Variants in PALM2AKAP2 observed in about 807,000 individuals in gnomAD.
The protein encoded by PALM2AKAP2 is PALM2 and AKAP2 fusion, also known as PALM2-AKAP2 fusion protein.
PALM2AKAP2 carries 37 observed loss-of-function variants against 71.5 expected under a neutral mutation model. The observed-to-expected ratio is 0.52, with a 90% confidence interval of 0.40 to 0.68. PALM2AKAP2 has a LOEUF of 0.68. Ranked by LOEUF, PALM2AKAP2 falls within the 30% of genes least tolerant of loss-of-function variation. The probability of loss-of-function intolerance (pLI) is 0.00; values close to 1 mark genes in which losing one functional copy is unlikely to be tolerated. For missense variants in PALM2AKAP2, 1,224 were observed against 1,191.8 expected, an observed-to-expected ratio of 1.03 and a Z score of -0.40; for synonymous variants, 468 against 478.8, an observed-to-expected ratio of 0.98 and a Z score of 0.29.
intron 1 of PALM2AKAP2, among the ~76,000 whole-genome samples, chr9:110,102,364 T>C (rs890939876): frequency 5.9e-5 from 9 of 152,240 alleles, no homozygotes; most frequent in Non-Finnish European, 1.0e-4. Context: ...GATTTATGAA[T>C]ATGTATTAAA....
At chr9:109,843,961 G>A (rs1300825759) in intron 1 of PALM2AKAP2, among the ~76,000 whole-genome samples, 3 of 152,152 alleles carry the variant, frequency 2.0e-5, no homozygotes, top group South Asian at 2.1e-4. Flanking sequence ...CCTGACCTCC[G>A]CAACCACACC....
chr9:110,081,909 C>T (rs1042060308), intron 1 of PALM2AKAP2, among the ~76,000 whole-genome samples: 7 of 152,062 alleles, frequency 4.6e-5, no homozygotes, highest in Non-Finnish European at 7.4e-5. Context: ...GCTAAATAGC[C>T]CCAGTTCCCC....
intron 1 of PALM2AKAP2, among the ~76,000 whole-genome samples, chr9:109,809,122 C>G (rs1449617088): frequency 6.6e-6 from 1 of 152,240 alleles, no homozygotes; most frequent in Non-Finnish European, 1.5e-5. Flanking sequence ...AGCCTCCACA[C>G]AGTGTCCCCA....
At chr9:110,127,212 C>T (rs1835626752) in intron 1 of PALM2AKAP2, among the ~76,000 whole-genome samples, 1 of 152,178 alleles carries the variant, frequency 6.6e-6, no homozygotes, top group Non-Finnish European at 1.5e-5. Flanking sequence ...TCACATTGAG[C>T]TGTAATGGCT....
intron 1 of PALM2AKAP2, among the ~76,000 whole-genome samples, chr9:109,726,051 C>G (rs139265785): frequency 6.6e-6 from 1 of 152,188 alleles, no homozygotes. Context: ...GGACTAGTAC[C>G]TTTAACACAT....
intron 2 of PALM2AKAP2, among the ~76,000 whole-genome samples, chr9:110,156,073 C>T (rs1212536500): frequency 2.0e-5 from 3 of 152,178 alleles, no homozygotes; most frequent in South Asian, 2.1e-4. Context: ...TTGCAAAATG[C>T]GTGCTGTGCC....
At chr9:110,016,129 T>A in intron 7 of PALM2AKAP2, 90 bp downstream of exon 7, 1 of 1,221,734 alleles carries the variant, frequency 8.2e-7, no homozygotes, top group Non-Finnish European at 1.2e-6. Context: ...AAATGAACAC[T>A]ACCAATCCAC....
chr9:109,731,268 A>G (rs148051819), intron 1 of PALM2AKAP2, among the ~76,000 whole-genome samples: 1 of 152,342 alleles, frequency 6.6e-6, no homozygotes, highest in African/African-American at 2.4e-5. Context: ...ATAAGGCTGC[A>G]TGAATTAACC....
At chr9:109,976,863 A>G (rs1436784543) in intron 6 of PALM2AKAP2, among the ~76,000 whole-genome samples, 1 of 152,218 alleles carries the variant, frequency 6.6e-6, no homozygotes, top group African/African-American at 2.4e-5. Context: ...TGGCTGAGCC[A>G]GGATGCAAAA....
intron 1 of PALM2AKAP2, among the ~76,000 whole-genome samples, chr9:109,686,819 C>A (rs1827811827): frequency 8.1e-6 from 1 of 124,162 alleles, no homozygotes. Context: ...TAGTGCTATC[C>A]CTCCCCCCTC....
intron 3 of PALM2AKAP2, among the ~76,000 whole-genome samples, chr9:109,885,461 G>T (rs747905239): frequency 2.0e-5 from 3 of 152,178 alleles, no homozygotes; most frequent in Non-Finnish European, 4.4e-5. Flanking sequence ...TTTTTTAAAA[G>T]GGTGTTCCAG....
At chr9:109,967,351 A>T (rs769656103) in intron 6 of PALM2AKAP2, among the ~76,000 whole-genome samples, 1 of 151,872 alleles carries the variant, frequency 6.6e-6, no homozygotes, top group Non-Finnish European at 1.5e-5. Flanking sequence ...CCTTCTATGT[A>T]TTAGAAGCAA....
intron 3 of PALM2AKAP2, among the ~76,000 whole-genome samples, chr9:110,160,339 G>A (rs936139826): frequency 1.3e-5 from 2 of 152,158 alleles, no homozygotes; most frequent in African/African-American, 4.8e-5. Flanking sequence ...GTTCTCTTAT[G>A]TGGAAATGTC....
chr9:110,008,925 A>G (rs572925421), intron 6 of PALM2AKAP2, among the ~76,000 whole-genome samples: 2 of 151,436 alleles, frequency 1.3e-5, no homozygotes, highest in South Asian at 2.1e-4. Flanking sequence ...CCCACATCCA[A>G]TGGCCAGAAC....
intron 1 of PALM2AKAP2, among the ~76,000 whole-genome samples, chr9:109,819,498 G>A (rs574187683): frequency 2.6e-5 from 4 of 152,222 alleles, no homozygotes; most frequent in Non-Finnish European, 4.4e-5. Context: ...AGATTTTGAC[G>A]TGGCCAATAT....
chr9:110,023,314 T>C (rs1201956457), intron 7 of PALM2AKAP2, among the ~76,000 whole-genome samples: 1 of 129,636 alleles, frequency 7.7e-6, no homozygotes, highest in African/African-American at 3.1e-5. Context: ...TCTTTTTTTT[T>C]TTTTTTTTTT....
chr9:110,036,122 A>G (rs1369971268), intron 7 of PALM2AKAP2, among the ~76,000 whole-genome samples: 1 of 151,820 alleles, frequency 6.6e-6, no homozygotes, highest in Non-Finnish European at 1.5e-5. Context: ...TTTTTAGTAG[A>G]TACTGGGTTT....
At chr9:109,711,219 T>C (rs1828230503) in intron 1 of PALM2AKAP2, among the ~76,000 whole-genome samples, 1 of 152,140 alleles carries the variant, frequency 6.6e-6, no homozygotes. Context: ...GGTTAAAAGA[T>C]TATGGGTTCA....
At chr9:109,818,486 A>C (rs1051128817) in intron 1 of PALM2AKAP2, among the ~76,000 whole-genome samples, 4 of 152,176 alleles carry the variant, frequency 2.6e-5, no homozygotes, top group African/African-American at 9.7e-5. Context: ...GCCTTATAAA[A>C]ATTCATTTAG....
Sources: gnomAD v4.1 joint callset for allele counts (sites outside exome capture counted in the v4.1 genomes callset) on GRCh38, gnomAD v4.1.1 for gene constraint, MANE v1.5 for transcripts, NCBI Gene and HGNC (gene_info 2026-07-23, HGNC 2026-07-21) for gene names.